The following CRYAB variants were observed in gnomAD, a reference collection of about 807,000 sequenced individuals.
CRYAB encodes the protein crystallin alpha B, also known as alpha-crystallin B chain.
In CRYAB, 9 loss-of-function variants were observed where a neutral mutation model predicts 12.7. The observed-to-expected ratio is 0.71, with a 90% CI of 0.43 to 1.24. The LOEUF (loss-of-function observed/expected upper bound fraction) is 1.24. Ranked by LOEUF, CRYAB falls within the 50% of genes most tolerant of loss-of-function variation. The pLI is 0.00. For missense variants in CRYAB, 183 were observed against 226.6 expected (o/e 0.81, Z 1.24); for synonymous variants, 93 against 86.8 (o/e 1.07, Z -0.40).
intron 1 of CRYAB, chr11:111,918,866 C>A: frequency 7.5e-7 from 1 of 1,333,912 alleles, no homozygotes. Flanking sequence ...AAATCTGACA[C>A]TGACACAGAC....
At chr11:111,913,026 A>G (rs1216752538), upstream of CRYAB, 7 of 798,620 alleles carry the variant, frequency 8.8e-6, no homozygotes, top group Admixed American at 1.6e-4. Context: ...GGCTTAACTG[A>G]TCTCCTGGGA....
chr11:111,913,416 C>T (rs545557968), upstream of CRYAB: 40 of 1,563,728 alleles, frequency 2.6e-5, no homozygotes, highest in South Asian at 4.1e-4. Flanking sequence ...CTCATCCTGC[C>T]TCTTGCCTTC....
chr11:111,919,173 CT>C, intron 1 of CRYAB: 1 of 762,066 alleles, frequency 1.3e-6, no homozygotes, highest in Non-Finnish European at 2.2e-6. Flanking sequence ...TTCAGGAGGC[CT>C]TAGAAGACAG....
chr11:111,911,908 C>T, upstream of CRYAB: 1 of 602,814 alleles, frequency 1.7e-6, no homozygotes, highest in Non-Finnish European at 3.0e-6. Flanking sequence ...TGACACATAC[C>T]CAGTACTCAC....
chr11:111,912,831 T>TG (rs782183679), upstream of CRYAB: 9 of 1,600,250 alleles, frequency 5.6e-6, no homozygotes, highest in Non-Finnish European at 7.7e-6. Flanking sequence ...TCTGCAGCCA[T>TG]GTCGGGCCGC....
upstream of CRYAB, among the ~76,000 whole-genome samples, chr11:111,915,338 G>A (rs752888266): frequency 7.9e-5 from 12 of 152,164 alleles, no homozygotes; most frequent in Non-Finnish European, 1.2e-4. Flanking sequence ...TATTAAAAAT[G>A]AAAGCATGCC....
At chr11:111,920,898 C>T (rs1965686307) in intron 1 of CRYAB, among the ~76,000 whole-genome samples, 1 of 152,224 alleles carries the variant, frequency 6.6e-6, no homozygotes, top group South Asian at 2.1e-4. Context: ...TATCCATCCT[C>T]ACATGTAAAA....
upstream of CRYAB, among the ~76,000 whole-genome samples, chr11:111,914,902 C>T (rs1469060590): frequency 6.6e-6 from 1 of 151,990 alleles, no homozygotes; most frequent in Non-Finnish European, 1.5e-5. Flanking sequence ...AGAGTGCAAC[C>T]TTGTCTCTAC....
upstream of CRYAB, chr11:111,911,789 C>T: frequency 2.7e-6 from 3 of 1,112,676 alleles, no homozygotes; most frequent in Non-Finnish European, 2.7e-6. Context: ...CTACAGCCAG[C>T]CCCTTATATA....
At chr11:111,913,394 G>A, upstream of CRYAB, 2 of 1,463,464 alleles carry the variant, frequency 1.4e-6, no homozygotes, top group Non-Finnish European at 1.9e-6. Context: ...CCCTGTGCCA[G>A]CCTCATCCTC....
chr11:111,916,073 A>C (rs2137393825), upstream of CRYAB, among the ~76,000 whole-genome samples: 1 of 152,186 alleles, frequency 6.6e-6, no homozygotes, highest in African/African-American at 2.4e-5. Context: ...AACTGACTTA[A>C]CCGTTATAAA....
rs1965399646 is a variant in CRYAB, at chr11:111,909,928, A to C, written c.324+399T>G. The C allele has an allele frequency of 7.2e-6, 4 of 555,892 alleles. No homozygotes were observed. In the South Asian group the frequency reaches 9.3e-5, roughly 13 times the overall value. The allele number at this position is 555,892 out of a possible 1,614,324, so 34.4% of individuals were successfully genotyped here. On this transcript the variant is annotated intron_variant, in intron 2 of 2. Transcript: ENST00000650687. Reference sequence around the variant, plus strand: ...TAAAAATTGCTGATGCCTGGGTCCCACCCTTAAAAATGCTGATTTAATTGG... The same window carrying C: ...TAAAAATTGCTGATGCCTGGGTCCCCCCCTTAAAAATGCTGATTTAATTGG...
At chr11:111,919,290 T>G (rs1433269538) in intron 1 of CRYAB, 1 of 386,330 alleles carries the variant, frequency 2.6e-6, no homozygotes, top group Non-Finnish European at 4.8e-6. Context: ...CTAGCCAACA[T>G]GGTGAAACCC....
At chr11:111,917,091 TG>T (rs1388725293), upstream of CRYAB, among the ~76,000 whole-genome samples, 6 of 152,316 alleles carry the variant, frequency 3.9e-5, no homozygotes, top group East Asian at 1.2e-3. Flanking sequence ...CTTGAACTCC[TG>T]GGCTCAAGCG....
chr11:111,920,498 A>G (rs1965674849), intron 1 of CRYAB, among the ~76,000 whole-genome samples: 1 of 152,102 alleles, frequency 6.6e-6, no homozygotes, highest in African/African-American at 2.4e-5. Flanking sequence ...AGATTGCGCC[A>G]CTGCAGTCCA....
At chr11:111,920,039 C>T (rs1458149960) in intron 1 of CRYAB, among the ~76,000 whole-genome samples, 1 of 151,394 alleles carries the variant, frequency 6.6e-6, no homozygotes, top group Non-Finnish European at 1.5e-5. Flanking sequence ...ACTGAAAATA[C>T]AAAAAATTAG....
upstream of CRYAB, among the ~76,000 whole-genome samples, chr11:111,915,684 T>C (rs1350441154): frequency 6.6e-6 from 1 of 152,238 alleles, no homozygotes; most frequent in Non-Finnish European, 1.5e-5. Context: ...TTAATCAACT[T>C]ATTCGGGGAC....
At chr11:111,918,577 T>C in intron 1 of CRYAB, 1 of 572,218 alleles carries the variant, frequency 1.7e-6, no homozygotes, top group Non-Finnish European at 3.2e-6. Flanking sequence ...AGCAAACTAC[T>C]ACATTAGGCA....
chr11:111,913,073 T>G, upstream of CRYAB: 1 of 539,908 alleles, frequency 1.9e-6, no homozygotes, highest in East Asian at 3.2e-5. Context: ...CCTCATCCCC[T>G]CCAAGCAGAG....
Sources: gnomAD v4.1 joint callset for allele counts (sites outside exome capture counted in the v4.1 genomes callset) on GRCh38, gnomAD v4.1.1 for gene constraint, MANE v1.5 for transcripts, NCBI Gene and HGNC (gene_info 2026-07-23, HGNC 2026-07-21) for gene names.